Variants in PCDHA2 observed in about 807,000 individuals in gnomAD.
The protein encoded by PCDHA2 is protocadherin alpha 2, also known as protocadherin alpha-2.
In PCDHA2, 58 loss-of-function variants were observed where a neutral mutation model predicts 66.0. The observed-to-expected ratio is 0.88, with a 90% CI of 0.71 to 1.09. PCDHA2 has a LOEUF of 1.09. Ranked by LOEUF, PCDHA2 falls within the 50% of genes least tolerant of loss-of-function variation. The pLI, the probability that PCDHA2 is intolerant of heterozygous loss-of-function variation, is 0.00. For synonymous variants in PCDHA2, 634 were observed against 554.0 expected (o/e 1.14, Z -2.03); for missense variants, 1,267 against 1,242.3 (o/e 1.02, Z -0.30).
intron 1 of PCDHA2, among the ~76,000 whole-genome samples, chr5:140,901,805 T>G (rs115665679): frequency 0.012 from 1,857 of 152,304 alleles, 44 homozygotes; most frequent in African/African-American, 0.042. Context: ...TGAACATTTT[T>G]ACAATATTGA....
At chr5:140,798,967 G>C (rs1407336849) in intron 1 of PCDHA2, among the ~76,000 whole-genome samples, 1 of 152,140 alleles carries the variant, frequency 6.6e-6, no homozygotes, top group Non-Finnish European at 1.5e-5. Flanking sequence ...CCATTTCATA[G>C]TTAGGTCAGA....
chr5:140,966,947 G>C (rs782439197), intron 1 of PCDHA2: 2 of 1,603,404 alleles, frequency 1.2e-6, no homozygotes, highest in East Asian at 2.2e-5. Flanking sequence ...CGTGGGCAAC[G>C]TGGCTCGCGC....
intron 1 of PCDHA2, among the ~76,000 whole-genome samples, chr5:140,800,124 A>T (rs1762509621): frequency 6.6e-6 from 1 of 152,172 alleles, no homozygotes. Context: ...TAATTACTTT[A>T]TATTGTTAAC....
At position 140,802,076 on chromosome 5, in the gene PCDHA2, C is replaced by A. The variant is rs1762843843; in HGVS notation, c.2388+4724C>A. On this transcript the variant is annotated intron_variant, in intron 1 of 3. Transcript: ENST00000526136. ...TGTCAGCAGATATTCTGTCAAAATT[C>A]CATTTAGATCCAGTCAATGGACAAA... 5 of 1,614,126 alleles carry A rather than the reference C, an allele frequency of 3.1e-6. No homozygotes were observed. The Middle Eastern group carries it at 4.9e-4, about 160-fold the overall frequency.
chr5:140,844,257 G>A lies in PCDHA2; in HGVS notation c.2388+46905G>A, dbSNP rs1328189428. Among the ~76,000 whole-genome samples, 4 of 149,406 alleles carry A rather than the reference G, an allele frequency of 2.7e-5. 1 individual carries two copies. Among genetic ancestry groups the A allele is most frequent in the African/African-American group, 9.8e-5 (4 of 40,832 alleles). ...CACTATTGCCGTTTTAAGCAGTGTA[G>A]TGATAAAATACAGAATGATAGTGTT... On this transcript the variant is annotated intron_variant, in intron 1 of 3. Transcript: ENST00000526136.
intron 1 of PCDHA2, chr5:140,877,868 T>G: frequency 6.7e-7 from 1 of 1,488,916 alleles, no homozygotes; most frequent in Non-Finnish European, 8.9e-7. Context: ...TTAGATATAT[T>G]TGTTTCCTTG....
rs2150162331 is a variant in PCDHA2, at chr5:140,829,080, T to C, written c.2388+31728T>C. ...GCCACGGACAAAGGCCATCCTCCCA[T>C]GGCGGGTCATTGCACCGTTTTAGTG... On this transcript the variant is annotated intron_variant, in intron 1 of 3. Coordinates refer to ENST00000526136, the MANE Select transcript of PCDHA2 (RefSeq NM_018905.3). 15 of 1,611,842 alleles carry C rather than the reference T, an allele frequency of 9.3e-6. No homozygotes were observed. In the African/African-American group the frequency reaches 2.0e-4, roughly 22 times the overall value.
At chr5:140,806,285 A>G (rs1763712643) in intron 1 of PCDHA2, among the ~76,000 whole-genome samples, 1 of 152,252 alleles carries the variant, frequency 6.6e-6, no homozygotes, top group South Asian at 2.1e-4. Context: ...GCTAAAATAT[A>G]TAAGCACTAT....
rs1333191283 is a variant in PCDHA2 at position 140,836,505 on chromosome 5, T to C, written c.2388+39153T>C. 11 of 1,613,862 alleles carry C rather than the reference T, an allele frequency of 6.8e-6. No homozygotes were observed. In the African/African-American group the frequency reaches 8.0e-5, roughly 12 times the overall value. On this transcript the variant is annotated intron_variant, in intron 1 of 3. Coordinates refer to ENST00000526136, the MANE Select transcript of PCDHA2 (RefSeq NM_018905.3). Reference sequence around the variant, plus strand: ...CCTGATCATCGCCATCTGCGCGGTGTCCAGTCTGTTGGTGCTTACCCTGCT... The same window carrying C: ...CCTGATCATCGCCATCTGCGCGGTGCCCAGTCTGTTGGTGCTTACCCTGCT...
At chr5:140,801,649 G>T in intron 1 of PCDHA2, 1 of 1,614,130 alleles carries the variant, frequency 6.2e-7, no homozygotes, top group Non-Finnish European at 8.5e-7. Flanking sequence ...CCTGGCTCTC[G>T]GTTTTCGCTA....
chr5:140,946,658 A>C (rs2094004902), intron 1 of PCDHA2, among the ~76,000 whole-genome samples: 1 of 147,652 alleles, frequency 6.8e-6, no homozygotes, highest in South Asian at 2.1e-4. Flanking sequence ...CAGCCATTAG[A>C]AAGAATGAAA....
intron 1 of PCDHA2, chr5:140,849,490 G>A: frequency 6.3e-7 from 1 of 1,592,564 alleles, no homozygotes; most frequent in African/African-American, 1.4e-5. Context: ...CCCCTGGCTG[G>A]TCATTGTACA....
intron 1 of PCDHA2, chr5:140,828,787 G>T (rs1769950726): frequency 6.2e-7 from 1 of 1,614,216 alleles, no homozygotes; most frequent in Middle Eastern, 1.6e-4. Flanking sequence ...TGGTCACAGT[G>T]CTGGATGTGA....
chr5:140,955,220 A>T (rs1016918569), intron 1 of PCDHA2, among the ~76,000 whole-genome samples: 1 of 152,130 alleles, frequency 6.6e-6, no homozygotes, highest in Non-Finnish European at 1.5e-5. Flanking sequence ...TGATGCCTCC[A>T]GCTTTGTTCT....
At chr5:140,894,296 C>T (rs1434101692) in intron 1 of PCDHA2, among the ~76,000 whole-genome samples, 4 of 151,798 alleles carry the variant, frequency 2.6e-5, no homozygotes, top group African/African-American at 4.8e-5. Flanking sequence ...AGTTTATTTT[C>T]CTGGAAAGTT....
At chr5:140,857,683 C>A in intron 1 of PCDHA2, 1 of 1,597,084 alleles carries the variant, frequency 6.3e-7, no homozygotes, top group East Asian at 2.2e-5. Context: ...CGCCTCTGGG[C>A]AGCAACTTGA....
intron 1 of PCDHA2, chr5:140,814,223 T>TG (rs2126653089): frequency 7.2e-5 from 11 of 152,626 alleles, no homozygotes; most frequent in African/African-American, 2.2e-4. Flanking sequence ...AGTGTTTTTT[T>TG]TTGTTGTTGT....
chr5:140,873,126 G>A (rs2054115570), intron 1 of PCDHA2, among the ~76,000 whole-genome samples: 1 of 152,124 alleles, frequency 6.6e-6, no homozygotes, highest in Admixed American at 6.5e-5. Context: ...AATATTCAAA[G>A]AGTCTATGCT....
intron 1 of PCDHA2, among the ~76,000 whole-genome samples, chr5:140,922,707 A>T (rs1282909188): frequency 4.6e-5 from 7 of 152,240 alleles, no homozygotes; most frequent in African/African-American, 1.4e-4. Context: ...TACAGTCAAG[A>T]ACAAAAAGAA....
Sources: allele counts gnomAD v4.1 joint callset (sites outside exome capture counted in the v4.1 genomes callset), GRCh38; gene constraint gnomAD v4.1.1; transcripts MANE v1.5; gene names NCBI Gene and HGNC (gene_info 2026-07-23, HGNC 2026-07-21).